ETV6: variants seen among roughly 807,000 people sequenced by gnomAD.
ETV6 encodes transcription factor ETV6.
ETV6 carries 16 observed loss-of-function variants against 51.1 expected under a neutral mutation model. The observed-to-expected ratio is 0.31, with a 90% CI of 0.21 to 0.48. The LOEUF (loss-of-function observed/expected upper bound fraction) is 0.48. ETV6 is among the 20% of genes least tolerant of loss of function. The pLI, the probability that ETV6 is intolerant of heterozygous loss-of-function variation, is 0.99. For missense variants in ETV6, 458 were observed against 594.8 expected, an observed-to-expected ratio of 0.77 and a Z score of 2.39; for synonymous variants, 240 against 224.1, an observed-to-expected ratio of 1.07 and a Z score of -0.64.
chr12:11,679,649 A>G (rs1048188514), intron 1 of ETV6, among the ~76,000 whole-genome samples: 4 of 152,100 alleles, frequency 2.6e-5, no homozygotes, highest in Non-Finnish European at 4.4e-5. Context: ...ATCTGACTCT[A>G]TTTATTCTTG....
chr12:11,874,967 G>A (rs1016614874), intron 5 of ETV6, among the ~76,000 whole-genome samples: 1 of 150,856 alleles, frequency 6.6e-6, no homozygotes, highest in East Asian at 2.0e-4. Context: ...AATGGGTGCA[G>A]CACACCAACA....
intron 1 of ETV6, among the ~76,000 whole-genome samples, chr12:11,703,089 A>T (rs1865013060): frequency 6.6e-6 from 1 of 152,234 alleles, no homozygotes; most frequent in Non-Finnish European, 1.5e-5. Context: ...CCTGGGTGAC[A>T]GAGTGAGACC....
intron 2 of ETV6, among the ~76,000 whole-genome samples, chr12:11,831,428 T>C (rs776051915): frequency 5.3e-5 from 8 of 152,254 alleles, no homozygotes; most frequent in Non-Finnish European, 7.3e-5. Flanking sequence ...TTTCACCGTG[T>C]TGGCCAGGCT....
At chr12:11,703,372 A>G (rs1865018363) in intron 1 of ETV6, among the ~76,000 whole-genome samples, 1 of 152,108 alleles carries the variant, frequency 6.6e-6, no homozygotes, top group Non-Finnish European at 1.5e-5. Context: ...GAAGATGAAG[A>G]GAAGTGTGAT....
At chr12:11,663,395 C>T (rs1475797911) in intron 1 of ETV6, among the ~76,000 whole-genome samples, 1 of 152,114 alleles carries the variant, frequency 6.6e-6, no homozygotes, top group Non-Finnish European at 1.5e-5. Flanking sequence ...TTCTTGGGCA[C>T]CGTCCTGCAT....
intron 1 of ETV6, among the ~76,000 whole-genome samples, chr12:11,667,532 A>ATTTT (rs200664927): frequency 2.4e-4 from 2 of 8,276 alleles, no homozygotes; most frequent in Admixed American, 4.9e-3. Flanking sequence ...CTGGTGGTTT[A>ATTTT]TTTTCTTTTT....
chr12:11,894,934 G>A lies in ETV6; in HGVS notation c.*3888G>A, dbSNP rs1947370181. ...TTCTTTGCCCAAGCATTTGGTGCTA[G>A]TTAGAGGCTGTTCACTCTCTCCTGC... On this transcript the variant is annotated 3_prime_UTR_variant, in exon 8 of 8. Transcript: ENST00000396373. The A allele has an allele frequency of 8.6e-6, 2 of 233,638 alleles. No individual in the cohort carries two copies. Among genetic ancestry groups the A allele is most frequent in the Non-Finnish European group, 8.5e-6 (1 of 118,014 alleles). The allele number at this position is 233,638 out of a possible 1,614,324, so 14.5% of individuals were successfully genotyped here.
intron 1 of ETV6, among the ~76,000 whole-genome samples, chr12:11,748,525 A>G (rs1459201847): frequency 6.6e-6 from 1 of 152,212 alleles, no homozygotes; most frequent in Non-Finnish European, 1.5e-5. Flanking sequence ...AGAGGGTATA[A>G]TAATAAATGT....
At position 11,809,323 on chromosome 12, in the gene ETV6, CAA is replaced by C. The variant is rs144861149; in HGVS notation, c.164-29816_164-29815del. ...ATAGGAAAAACAAGAGAACTGAAGACAAGAGGAAAAAAGGAGATGGTAGAAGG... is the reference window on the plus strand; with the variant it reads ...ATAGGAAAAACAAGAGAACTGAAGACGAGGAAAAAAGGAGATGGTAGAAGG... On this transcript the variant is annotated intron_variant, in intron 2 of 7. Transcript: ENST00000396373. Among the ~76,000 whole-genome samples the C allele has an allele frequency of 5.8e-3, 872 of 151,402 alleles. 13 individuals are homozygous for C. The highest frequency in any genetic ancestry group is 0.02 in the African/African-American group (811 of 41,262).
intron 2 of ETV6, among the ~76,000 whole-genome samples, chr12:11,762,944 G>A (rs1458023184): frequency 1.3e-5 from 2 of 152,110 alleles, no homozygotes; most frequent in Non-Finnish European, 2.9e-5. Flanking sequence ...GTGATTTGGT[G>A]CCAGCCCTCT....
At position 11,774,569 on chromosome 12, in the gene ETV6, C is replaced by T. The variant is rs533007130; in HGVS notation, c.163+21990C>T. Among the ~76,000 whole-genome samples the T allele has an allele frequency of 3.3e-5, 5 of 152,308 alleles. No individual in the cohort carries two copies. The East Asian group carries it at 9.6e-4, about 29-fold the overall frequency. The stretch of plus-strand genomic sequence containing the variant: ...TCCAGAACTTTGTTGGCTCCCGAAG[C>T]ACCTTTCCCTCCTCCCAAGAGGAAT... On this transcript the variant is annotated intron_variant, in intron 2 of 7. Coordinates refer to ENST00000396373, the MANE Select transcript of ETV6 (RefSeq NM_001987.5).
At chr12:11,747,320 A>AG (rs1220858471) in intron 1 of ETV6, among the ~76,000 whole-genome samples, 8 of 152,190 alleles carry the variant, frequency 5.3e-5, no homozygotes, top group Admixed American at 3.3e-4. Context: ...CTTTCAGGGC[A>AG]GGGGGGACAC....
At chr12:11,767,367 T>C (rs1945177843) in intron 2 of ETV6, among the ~76,000 whole-genome samples, 1 of 152,264 alleles carries the variant, frequency 6.6e-6, no homozygotes, top group East Asian at 1.9e-4. Flanking sequence ...CTCTGGAGAC[T>C]GAAATATAGT....
At chr12:11,841,079 C>T (rs1946384144) in intron 3 of ETV6, among the ~76,000 whole-genome samples, 1 of 152,212 alleles carries the variant, frequency 6.6e-6, no homozygotes, top group African/African-American at 2.4e-5. Flanking sequence ...AGCTTTCCTC[C>T]CAAGTCTCTA....
intron 2 of ETV6, among the ~76,000 whole-genome samples, chr12:11,804,536 C>T (rs1591685554): frequency 1.3e-5 from 2 of 152,184 alleles, no homozygotes; most frequent in Admixed American, 6.5e-5. Flanking sequence ...TGCTGCCCTT[C>T]TGCCTATGAA....
At chr12:11,890,308 C>T (rs1046224166) in intron 7 of ETV6, among the ~76,000 whole-genome samples, 3 of 150,050 alleles carry the variant, frequency 2.0e-5, no homozygotes, top group Non-Finnish European at 3.0e-5. Context: ...TCTGTAAAAT[C>T]TAATTCTGTA....
At position 11,893,065 on chromosome 12, in the gene ETV6, T is replaced by C. The variant is rs1947320067; in HGVS notation, c.*2019T>C. 1 of 231,044 alleles carries C rather than the reference T, an allele frequency of 4.3e-6. No individual in the cohort carries two copies. Among genetic ancestry groups the C allele is most frequent in the East Asian group, 6.1e-5 (1 of 16,320 alleles). 14.3% of individuals were successfully genotyped at this position (231,044 alleles called of 1,614,324 possible). ...TCAGTCTGCTTGAATGGTGATGAGATTCTGCTGGATCTCAGCACGCTGCAG... is the reference window on the plus strand; with the variant it reads ...TCAGTCTGCTTGAATGGTGATGAGACTCTGCTGGATCTCAGCACGCTGCAG... On this transcript the variant is annotated 3_prime_UTR_variant, in exon 8 of 8. Coordinates refer to ENST00000396373, the MANE Select transcript of ETV6 (RefSeq NM_001987.5).
rs1825821503 is a variant in ETV6 at position 11,894,686 on chromosome 12, C to T, written c.*3640C>T. On this transcript the variant is annotated 3_prime_UTR_variant, in exon 8 of 8. Coordinates refer to ENST00000396373, the MANE Select transcript of ETV6 (RefSeq NM_001987.5). ...TAACCACCATTCCCACCTTTCACTG[C>T]CTAGGCTCCAAGTCTGAATACATTT... is the stretch of plus-strand genomic sequence containing the variant. 2.1e-5 allele frequency: 5 copies of T among 233,226 alleles called. No individual in the cohort carries two copies. In the South Asian group the frequency reaches 9.1e-4, roughly 42 times the overall value. The allele number at this position is 233,226 out of a possible 1,614,324, so 14.4% of individuals were successfully genotyped here.
chr12:11,866,132 A>T (rs926267548), intron 4 of ETV6, among the ~76,000 whole-genome samples: 2 of 151,952 alleles, frequency 1.3e-5, no homozygotes, highest in African/African-American at 2.4e-5. Flanking sequence ...TTCTGCTATT[A>T]AGTCCATCTA....
Sources: allele counts gnomAD v4.1 joint callset (sites outside exome capture counted in the v4.1 genomes callset), GRCh38; gene constraint gnomAD v4.1.1; transcripts MANE v1.5; gene names NCBI Gene and HGNC (gene_info 2026-07-23, HGNC 2026-07-21).